GMDS: variants seen among roughly 807,000 people sequenced by gnomAD.
GMDS encodes the protein GDP-mannose 4,6 dehydratase.
GMDS carries 20 observed loss-of-function variants against 49.9 expected under a neutral mutation model. The observed-to-expected ratio is 0.40, with a 90% CI of 0.28 to 0.58. The LOEUF (loss-of-function observed/expected upper bound fraction) is 0.58, where lower values mean the gene tolerates loss of function less well. Ranked by LOEUF, GMDS falls within the 20% of genes least tolerant of loss-of-function variation. The pLI, the probability that GMDS is intolerant of heterozygous loss-of-function variation, is 0.42. For missense variants in GMDS, 362 were observed against 481.4 expected, an observed-to-expected ratio of 0.75 and a Z score of 2.32; for synonymous variants, 177 against 178.6, an observed-to-expected ratio of 0.99 and a Z score of 0.07.
intron 4 of GMDS, among the ~76,000 whole-genome samples, chr6:2,034,175 C>T (rs1335536974): frequency 7.9e-5 from 12 of 152,214 alleles, no homozygotes; most frequent in African/African-American, 2.9e-4. Context: ...GGTCAGTAAA[C>T]TTCTTTAGTT....
At position 1,972,909 on chromosome 6, in the gene GMDS, T is replaced by G. The variant is rs546187996; in HGVS notation, c.346-11943A>C. The stretch of plus-strand genomic sequence containing the variant: ...CCTTGGCAATTCTACACATTTGGTT[T>G]TATACCTCTAAAAACATTATTCTGA... On this transcript the variant is annotated intron_variant, in intron 4 of 10. Coordinates refer to ENST00000380815, the MANE Select transcript of GMDS (RefSeq NM_001500.4). Among the ~76,000 whole-genome samples, 3 of 152,328 alleles carry G rather than the reference T, an allele frequency of 2.0e-5. No individual in the cohort carries two copies. In the East Asian group the frequency reaches 5.8e-4, roughly 29 times the overall value.
intron 7 of GMDS, among the ~76,000 whole-genome samples, chr6:1,832,966 GAGGA>G (rs1756735644): frequency 6.6e-6 from 1 of 151,990 alleles, no homozygotes; most frequent in African/African-American, 2.4e-5. Context: ...CAGGCCACAC[GAGGA>G]AGGAAGTCTT....
intron 7 of GMDS, among the ~76,000 whole-genome samples, chr6:1,872,323 T>C (rs1466375406): frequency 2.0e-5 from 3 of 152,248 alleles, no homozygotes; most frequent in East Asian, 1.9e-4. Flanking sequence ...TCAGTACTTA[T>C]AATTTCTATT....
intron 9 of GMDS, among the ~76,000 whole-genome samples, chr6:1,692,301 G>A (rs140482296): frequency 1.3e-5 from 2 of 152,312 alleles, no homozygotes; most frequent in African/African-American, 4.8e-5. Flanking sequence ...ACAGCCTATG[G>A]TGGGACTTCA....
intron 4 of GMDS, among the ~76,000 whole-genome samples, chr6:1,988,330 G>T (rs1389759599): frequency 6.9e-6 from 1 of 144,906 alleles, no homozygotes; most frequent in Admixed American, 7.2e-5. Context: ...CGTGATTCAG[G>T]CTGAAGCTAA....
chr6:2,196,522 G>T (rs1779281709), intron 1 of GMDS, among the ~76,000 whole-genome samples: 1 of 152,146 alleles, frequency 6.6e-6, no homozygotes, highest in Non-Finnish European at 1.5e-5. Flanking sequence ...TTTCTACAGT[G>T]TTTGATGCCT....
At chr6:2,240,213 T>C (rs1781549654) in intron 1 of GMDS, among the ~76,000 whole-genome samples, 1 of 152,224 alleles carries the variant, frequency 6.6e-6, no homozygotes, top group Non-Finnish European at 1.5e-5. Context: ...AACTTTCTGC[T>C]TCTAGATAAT....
At chr6:2,052,618 T>C (rs1273811448) in intron 4 of GMDS, among the ~76,000 whole-genome samples, 1 of 152,248 alleles carries the variant, frequency 6.6e-6, no homozygotes, top group Non-Finnish European at 1.5e-5. Flanking sequence ...TGTTCTGGTA[T>C]TCACTCTTCC....
chr6:2,077,715 T>C (rs1772428548), intron 4 of GMDS, among the ~76,000 whole-genome samples: 2 of 152,158 alleles, frequency 1.3e-5, no homozygotes, highest in Admixed American at 1.3e-4. Flanking sequence ...TGAATCCATA[T>C]TCATCAAGAA....
chr6:2,096,163 A>T (rs910525300), intron 4 of GMDS, among the ~76,000 whole-genome samples: 5 of 152,184 alleles, frequency 3.3e-5, no homozygotes, highest in African/African-American at 1.2e-4. Flanking sequence ...CAGCTATGAC[A>T]TTATATAACT....
At chr6:1,999,623 TA>T (rs1295034423) in intron 4 of GMDS, among the ~76,000 whole-genome samples, 5 of 150,236 alleles carry the variant, frequency 3.3e-5, no homozygotes, top group Non-Finnish European at 7.4e-5. Flanking sequence ...AATATAGTTT[TA>T]AAAAAATTAG....
chr6:1,728,604 TCACA>T (rs1250458491), intron 8 of GMDS, among the ~76,000 whole-genome samples: 1 of 152,178 alleles, frequency 6.6e-6, no homozygotes, highest in South Asian at 2.1e-4. Context: ...TTTTAAAAAA[TCACA>T]CACAAACACA....
At chr6:1,788,299 G>T (rs377506922) in intron 7 of GMDS, among the ~76,000 whole-genome samples, 7 of 152,316 alleles carry the variant, frequency 4.6e-5, no homozygotes, top group African/African-American at 1.7e-4. Context: ...TGTCTTACGC[G>T]TACTGTGTAC....
rs913152031 is a variant in GMDS, at chr6:1,768,753, T to C, written c.772-26167A>G. 2.6e-5 allele frequency among the ~76,000 whole-genome samples: 4 copies of C among 152,384 alleles called. No homozygotes were observed. In the East Asian group the frequency reaches 5.8e-4, roughly 22 times the overall value. ...CCCAAAACATTTCTGTTCCCAAGCA[T>C]TTCAGATAAGGAATACTCAATCTAT... On this transcript the variant is annotated intron_variant, in intron 7 of 10. Transcript: ENST00000380815.
intron 6 of GMDS, among the ~76,000 whole-genome samples, chr6:1,950,720 C>T (rs1034416466): frequency 7.2e-5 from 11 of 152,148 alleles, no homozygotes; most frequent in African/African-American, 1.7e-4. Flanking sequence ...TGAAGTGTAA[C>T]GAAAAATGAG....
chr6:1,748,197 A>C (rs1234184575), intron 7 of GMDS, among the ~76,000 whole-genome samples: 1 of 152,196 alleles, frequency 6.6e-6, no homozygotes, highest in Non-Finnish European at 1.5e-5. Context: ...AACAGCTCCT[A>C]GTCTTGTGTT....
chr6:2,162,522 C>A lies in GMDS; in HGVS notation c.103-37791G>T, dbSNP rs140392323. Among the ~76,000 whole-genome samples, 328 of 152,120 alleles carry A rather than the reference C, an allele frequency of 2.2e-3. 2 individuals are homozygous for A. The highest frequency in any genetic ancestry group is 7.3e-3 in the African/African-American group (302 of 41,470). On this transcript the variant is annotated intron_variant, in intron 1 of 10. Coordinates refer to ENST00000380815, the MANE Select transcript of GMDS (RefSeq NM_001500.4). Reference sequence around the variant, plus strand: ...AAAGGAAGCAGAAAAAAGGAGTAGACCTTATTGTTTTTTCTAGTCTCATGT... The same window carrying A: ...AAAGGAAGCAGAAAAAAGGAGTAGAACTTATTGTTTTTTCTAGTCTCATGT...
At chr6:1,758,978 A>G (rs1452650186) in intron 7 of GMDS, among the ~76,000 whole-genome samples, 1 of 152,156 alleles carries the variant, frequency 6.6e-6, no homozygotes. Context: ...GCTGGAGTGT[A>G]GTGGCACGAT....
intron 7 of GMDS, among the ~76,000 whole-genome samples, chr6:1,876,457 G>C (rs776404835): frequency 1.3e-5 from 2 of 152,172 alleles, no homozygotes; most frequent in Non-Finnish European, 2.9e-5. Context: ...TAAATGTGGT[G>C]ATTTGTTAAA....
Sources: gnomAD v4.1 joint callset for allele counts (sites outside exome capture counted in the v4.1 genomes callset) on GRCh38, gnomAD v4.1.1 for gene constraint, MANE v1.5 for transcripts, NCBI Gene and HGNC (gene_info 2026-07-23, HGNC 2026-07-21) for gene names.